Variants in SKAP1 observed in about 807,000 individuals in gnomAD.
SKAP1 encodes src kinase associated phosphoprotein 1, also known as src kinase-associated phosphoprotein 1.
SKAP1 carries 44 observed loss-of-function variants against 58.5 expected under a neutral mutation model. The observed-to-expected ratio is 0.75, with a 90% CI of 0.59 to 0.97. SKAP1 has a LOEUF of 0.97. SKAP1 is among the 50% of genes least tolerant of loss of function. SKAP1 has a pLI of 0.00. For missense variants in SKAP1, 390 were observed against 435.2 expected, an observed-to-expected ratio of 0.90 and a Z score of 0.92; for synonymous variants, 127 against 149.7, an observed-to-expected ratio of 0.85 and a Z score of 1.11.
intron 4 of SKAP1, among the ~76,000 whole-genome samples, chr17:48,195,182 A>G (rs1415345170): frequency 6.6e-6 from 1 of 152,152 alleles, no homozygotes; most frequent in African/African-American, 2.4e-5. Flanking sequence ...GCCTTCTTTA[A>G]TATGTTCATT....
chr17:48,285,789 G>C (rs1373723277), intron 4 of SKAP1, among the ~76,000 whole-genome samples: 1 of 152,126 alleles, frequency 6.6e-6, no homozygotes, highest in African/African-American at 2.4e-5. Context: ...TCTGAATATT[G>C]CTCCTTAATC....
chr17:48,196,766 A>G (rs1454956214), intron 4 of SKAP1: 1 of 152,244 alleles, frequency 6.6e-6, no homozygotes, highest in African/African-American at 2.4e-5. Context: ...ATTTTAGTAT[A>G]TATGCTGCCA....
intron 4 of SKAP1, among the ~76,000 whole-genome samples, chr17:48,268,344 C>G (rs1208668245): frequency 6.6e-6 from 1 of 151,784 alleles, no homozygotes; most frequent in East Asian, 1.9e-4. Context: ...TTTTCTAAAA[C>G]TTGAGTACAG....
intron 4 of SKAP1, among the ~76,000 whole-genome samples, chr17:48,340,013 T>C (rs1271647314): frequency 1.3e-5 from 2 of 152,006 alleles, no homozygotes; most frequent in Non-Finnish European, 2.9e-5. Flanking sequence ...AAACCCTGTC[T>C]TTACTGAAAA....
At chr17:48,419,494 G>A (rs2144606289) in intron 1 of SKAP1, among the ~76,000 whole-genome samples, 1 of 152,148 alleles carries the variant, frequency 6.6e-6, no homozygotes, top group Non-Finnish European at 1.5e-5. Flanking sequence ...TGTTGGTCAG[G>A]CTGGTCTCGA....
chr17:48,204,983 T>TTCTC (rs1255524546), intron 4 of SKAP1, among the ~76,000 whole-genome samples: 61 of 46,494 alleles, frequency 1.3e-3, no homozygotes, highest in African/African-American at 6.6e-3. Context: ...TTTTCTTTCT[T>TTCTC]TCTTTCTTTC....
intron 4 of SKAP1, among the ~76,000 whole-genome samples, chr17:48,279,417 C>G (rs1035403762): frequency 2.0e-5 from 3 of 152,104 alleles, no homozygotes; most frequent in Admixed American, 1.3e-4. Context: ...TTTTAGTTTG[C>G]TGATCATTGA....
At chr17:48,411,623 A>G (rs1002461650) in intron 1 of SKAP1, among the ~76,000 whole-genome samples, 5 of 152,152 alleles carry the variant, frequency 3.3e-5, no homozygotes, top group Non-Finnish European at 7.4e-5. Context: ...GACAAACATC[A>G]TATCAGCCAG....
chr17:48,343,502 A>G (rs1482905303), intron 4 of SKAP1, among the ~76,000 whole-genome samples: 1 of 152,184 alleles, frequency 6.6e-6, no homozygotes. Flanking sequence ...TTTAACATAG[A>G]AATAGGTCTA....
intron 6 of SKAP1, among the ~76,000 whole-genome samples, chr17:48,186,454 TTTTATTTATTTATTTATTTATTTA>T (rs58026898): frequency 3.4e-4 from 50 of 148,472 alleles, no homozygotes; most frequent in Admixed American, 4.7e-4. Context: ...AAGCTGCAGT[TTTTATTTATTTATTTATTTATTTA>T]TTTATTTATT....
chr17:48,154,221 C>G (rs2143184262), intron 11 of SKAP1, among the ~76,000 whole-genome samples: 1 of 152,342 alleles, frequency 6.6e-6, no homozygotes, highest in South Asian at 2.1e-4. Flanking sequence ...GATGACTAGA[C>G]TGGCTGTGGA....
chr17:48,224,624 A>G (rs1332963498), intron 4 of SKAP1, among the ~76,000 whole-genome samples: 1 of 152,230 alleles, frequency 6.6e-6, no homozygotes. Context: ...GTGGTATCAT[A>G]CCTATGCCTA....
In SKAP1 at chr17:48,155,610, A is replaced by G. The variant is rs148795118; in HGVS notation, c.978+6859T>C. Among the ~76,000 whole-genome samples the G allele has an allele frequency of 3.3e-5, 5 of 151,180 alleles. No individual in the cohort carries two copies. In the East Asian group the frequency reaches 9.9e-4, roughly 30 times the overall value. On this transcript the variant is annotated intron_variant, in intron 11 of 12. Transcript: ENST00000336915. Reference sequence around the variant, plus strand: ...AGTGGCTCACACCTGTAATTCCAGCACTTTGGAAGGCCGAGGCAGATGGAT... The same window carrying G: ...AGTGGCTCACACCTGTAATTCCAGCGCTTTGGAAGGCCGAGGCAGATGGAT...
intron 4 of SKAP1, among the ~76,000 whole-genome samples, chr17:48,270,937 G>A (rs866694111): frequency 4.1e-5 from 6 of 145,728 alleles, no homozygotes; most frequent in Non-Finnish European, 9.0e-5. Context: ...GGTAGTGCAG[G>A]TTTAAGCGGG....
At chr17:48,160,008 C>A (rs762176307) in intron 11 of SKAP1, among the ~76,000 whole-genome samples, 1 of 152,104 alleles carries the variant, frequency 6.6e-6, no homozygotes, top group Non-Finnish European at 1.5e-5. Context: ...ACTATTAATA[C>A]AATGGTACAG....
At chr17:48,179,524 A>T (rs1214090530) in intron 9 of SKAP1, among the ~76,000 whole-genome samples, 1 of 152,212 alleles carries the variant, frequency 6.6e-6, no homozygotes, top group Non-Finnish European at 1.5e-5. Context: ...TTTTTAAGAG[A>T]TGTGATTTGA....
At chr17:48,421,296 CTTTTTTTTTT>C (rs35201215) in intron 1 of SKAP1, among the ~76,000 whole-genome samples, 19 of 119,218 alleles carry the variant, frequency 1.6e-4, no homozygotes, top group African/African-American at 4.7e-4. Flanking sequence ...ATAGAGTGTT[CTTTTTTTTTT>C]TTTTTTTTTT....
intron 4 of SKAP1, among the ~76,000 whole-genome samples, chr17:48,263,811 A>C (rs1161209396): frequency 2.0e-5 from 3 of 151,986 alleles, no homozygotes; most frequent in Non-Finnish European, 2.9e-5. Context: ...CCGCCAGATG[A>C]CCTCCATTGC....
intron 1 of SKAP1, among the ~76,000 whole-genome samples, chr17:48,415,431 C>G (rs1051570045): frequency 1.3e-5 from 2 of 152,116 alleles, no homozygotes; most frequent in African/African-American, 4.8e-5. Context: ...ACAGAAATGT[C>G]CATTCTCTCT....
Sources: allele counts gnomAD v4.1 joint callset (sites outside exome capture counted in the v4.1 genomes callset), GRCh38; gene constraint gnomAD v4.1.1; transcripts MANE v1.5; gene names NCBI Gene and HGNC (gene_info 2026-07-23, HGNC 2026-07-21).